LPIN1: variants seen among roughly 807,000 people sequenced by gnomAD.
LPIN1 encodes the protein phosphatidate phosphatase LPIN1.
Under a neutral mutation model 107.5 loss-of-function variants are expected in LPIN1, and 71 were observed. The ratio of observed to expected loss-of-function variants is 0.66; its 90% CI spans 0.55 to 0.80. The LOEUF (loss-of-function observed/expected upper bound fraction) is 0.80, where lower values mean the gene tolerates loss of function less well. LPIN1 is among the 30% of genes least tolerant of loss of function. LPIN1 has a pLI of 0.00. For missense variants in LPIN1, 1,043 were observed against 1,160.6 expected (o/e 0.90, Z 1.47); for synonymous variants, 445 against 452.6 (o/e 0.98, Z 0.21).
At chr2:11,739,708 T>A (rs1666141891) in intron 1 of LPIN1, among the ~76,000 whole-genome samples, 1 of 152,156 alleles carries the variant, frequency 6.6e-6, no homozygotes, top group African/African-American at 2.4e-5. Flanking sequence ...ACTGACAATG[T>A]CCCGTGTCCA....
At chr2:11,821,424 G>A (rs76102781) in intron 20 of LPIN1, among the ~76,000 whole-genome samples, 2 of 152,178 alleles carry the variant, frequency 1.3e-5, no homozygotes, top group Non-Finnish European at 2.9e-5. Context: ...GGCTGAGACA[G>A]GAGAATCACT....
chr2:11,734,203 T>A (rs1488695303), intron 1 of LPIN1, among the ~76,000 whole-genome samples: 114 of 152,296 alleles, frequency 7.5e-4, no homozygotes, highest in African/African-American at 2.6e-3. Context: ...CCAACTTTTC[T>A]TCTGTCCTCA....
At chr2:11,693,595 G>A (rs903019155) in intron 1 of LPIN1, among the ~76,000 whole-genome samples, 1 of 151,420 alleles carries the variant, frequency 6.6e-6, no homozygotes, top group African/African-American at 2.4e-5. Context: ...CCCTACCATG[G>A]GCACTCCCTG....
chr2:11,735,343 G>T (rs533308961), intron 1 of LPIN1, among the ~76,000 whole-genome samples: 2 of 151,740 alleles, frequency 1.3e-5, no homozygotes, highest in African/African-American at 2.4e-5. Flanking sequence ...GGGGGATAAT[G>T]TTCCTCTTAC....
At chr2:11,818,285 A>G (rs1174652756) in intron 18 of LPIN1, 1 of 152,218 alleles carries the variant, frequency 6.6e-6, no homozygotes, top group Non-Finnish European at 1.5e-5. Context: ...TCAAAATTAT[A>G]TTGGATCTTC....
intron 1 of LPIN1, among the ~76,000 whole-genome samples, chr2:11,680,739 T>C (rs1347951247): frequency 4.6e-5 from 7 of 152,132 alleles, no homozygotes; most frequent in Non-Finnish European, 8.8e-5. Context: ...CTTGGGGCGT[T>C]GGGACTTTAT....
At chr2:11,716,399 G>T (rs2148528672) in intron 2 of LPIN1, among the ~76,000 whole-genome samples, 1 of 152,134 alleles carries the variant, frequency 6.6e-6, no homozygotes, top group Non-Finnish European at 1.5e-5. Flanking sequence ...CTCTCCTCCT[G>T]CTCTCCCTCT....
At chr2:11,820,110 G>C (rs1233647600) in intron 19 of LPIN1, among the ~76,000 whole-genome samples, 1 of 152,208 alleles carries the variant, frequency 6.6e-6, no homozygotes. Flanking sequence ...AAAGTTACGA[G>C]AGATTTTCAT....
chr2:11,721,263 C>T (rs370075710), upstream of LPIN1, among the ~76,000 whole-genome samples: 1 of 129,808 alleles, frequency 7.7e-6, no homozygotes. Flanking sequence ...GTACTGCATG[C>T]GTGTGTGTGT....
intron 12 of LPIN1, among the ~76,000 whole-genome samples, chr2:11,789,207 C>T (rs141288578): frequency 6.6e-6 from 1 of 152,356 alleles, no homozygotes; most frequent in East Asian, 1.9e-4. Context: ...AGTTCAAACA[C>T]TTGAGATTCT....
At chr2:11,776,257 T>C in intron 6 of LPIN1, 64 bp downstream of exon 6, 1 of 1,034,186 alleles carries the variant, frequency 9.7e-7, no homozygotes, top group Non-Finnish European at 1.4e-6. Flanking sequence ...TAACTCTTAC[T>C]ATAAGTCTAT....
chr2:11,743,401 C>A (rs1666565948), upstream of LPIN1, among the ~76,000 whole-genome samples: 1 of 152,180 alleles, frequency 6.6e-6, no homozygotes, highest in South Asian at 2.1e-4. This position sits in a 1 kb window ranked among gnomAD's most constrained non-coding sequence, Gnocchi z 4.7. Flanking sequence ...CTGCCTCTTC[C>A]CCATGAAACT....
At chr2:11,807,084 T>C (rs1391387703) in intron 17 of LPIN1, among the ~76,000 whole-genome samples, 2 of 152,194 alleles carry the variant, frequency 1.3e-5, no homozygotes, top group Non-Finnish European at 2.9e-5. Context: ...TCATAGACAA[T>C]GCTTATGATA....
chr2:11,706,030 C>A (rs1275577169), intron 1 of LPIN1, among the ~76,000 whole-genome samples: 1 of 152,154 alleles, frequency 6.6e-6, no homozygotes, highest in Non-Finnish European at 1.5e-5. Context: ...AGTTTCCCTG[C>A]ACAAGCTCTC....
At chr2:11,746,488 G>A (rs1666927928), upstream of LPIN1, 4 of 214,550 alleles carry the variant, frequency 1.9e-5, no homozygotes, top group East Asian at 1.9e-4. Flanking sequence ...GGGCAGGGCC[G>A]GCCAGCAGGC....
At chr2:11,695,282 GA>G (rs1207472692) in intron 1 of LPIN1, among the ~76,000 whole-genome samples, 3 of 152,160 alleles carry the variant, frequency 2.0e-5, no homozygotes, top group Non-Finnish European at 2.9e-5. Flanking sequence ...AAGTGCAATG[GA>G]AAAAAATGAA....
intron 1 of LPIN1, among the ~76,000 whole-genome samples, chr2:11,711,499 T>C (rs1572368726): frequency 6.6e-6 from 1 of 152,210 alleles, no homozygotes; most frequent in East Asian, 1.9e-4. Context: ...CTTTTTATTT[T>C]GGGTGTGGTT....
At chr2:11,819,871 G>C (rs1681223873) in intron 19 of LPIN1, among the ~76,000 whole-genome samples, 2 of 152,314 alleles carry the variant, frequency 1.3e-5, no homozygotes, top group Non-Finnish European at 2.9e-5. Context: ...AAGCAGTAAA[G>C]CAAGAACATT....
intron 1 of LPIN1, chr2:11,724,691 C>A: frequency 1.0e-6 from 1 of 965,524 alleles, no homozygotes; most frequent in Non-Finnish European, 1.2e-6. Context: ...TCCAGAGCTT[C>A]CCGGTGACAC....
Sources: gnomAD v4.1 joint callset for allele counts (sites outside exome capture counted in the v4.1 genomes callset) on GRCh38, gnomAD v4.1.1 for gene constraint, Gnocchi (gnomAD v3.1) non-coding constraint, MANE v1.5 for transcripts, NCBI Gene and HGNC (gene_info 2026-07-23, HGNC 2026-07-21) for gene names.